Variants in PPP4R2 observed in about 807,000 individuals in gnomAD.
The protein encoded by PPP4R2 is serine/threonine-protein phosphatase 4 regulatory subunit 2.
In PPP4R2, 13 loss-of-function variants were observed where a neutral mutation model predicts 47.2. The observed-to-expected ratio is 0.28, with a 90% CI of 0.18 to 0.44. The LOEUF is 0.44. Among genes scored for constraint, PPP4R2 ranks in the 20% least tolerant of loss-of-function variants. The probability of loss-of-function intolerance (pLI) is 1.00; values close to 1 mark genes in which losing one functional copy is unlikely to be tolerated. For missense variants in PPP4R2, 421 were observed against 491.2 expected, an observed-to-expected ratio of 0.86 and a Z score of 1.35; for synonymous variants, 151 against 163.3, an observed-to-expected ratio of 0.92 and a Z score of 0.57.
At chr3:72,997,352 C>T (rs914144641) in intron 1 of PPP4R2, 1 of 361,678 alleles carries the variant, frequency 2.8e-6, no homozygotes, top group East Asian at 4.1e-5. Context: ...GTTCAGGGGA[C>T]GAGTGGCGGA....
intron 2 of PPP4R2, among the ~76,000 whole-genome samples, chr3:73,018,446 A>ATGT (rs1181953945): frequency 1.9e-5 from 2 of 105,118 alleles, no homozygotes; most frequent in Admixed American, 8.7e-5. Context: ...ATGTTATGTT[A>ATGT]TGTTATTTAT....
rs369511596 is a variant in PPP4R2, at chr3:73,062,600, C to T, written c.420-1073C>T. ...CTAGCAGATTCAAAGATATGCCTAA[C>T]TTTATTGCCCTTGAGAAGTCATCAG... On this transcript the variant is annotated intron_variant, in intron 5 of 8. Transcript: ENST00000356692. The T allele has an allele frequency of 1.0e-4, 169 of 1,613,988 alleles. 1 individual carries two copies. Among genetic ancestry groups the T allele is most frequent in the African/African-American group, 8.3e-4 (62 of 75,044 alleles).
intron 2 of PPP4R2, among the ~76,000 whole-genome samples, chr3:73,008,722 A>T (rs1701664287): frequency 6.6e-6 from 1 of 152,224 alleles, no homozygotes; most frequent in African/African-American, 2.4e-5. Flanking sequence ...ATATAGCTAT[A>T]GATAAGAAAA....
intron 2 of PPP4R2, chr3:73,015,076 A>G (rs1403946762): frequency 8.6e-6 from 4 of 467,614 alleles, no homozygotes; most frequent in Admixed American, 3.6e-5. Context: ...CATTTAGGAT[A>G]TAGGAAGAAA....
intron 3 of PPP4R2, among the ~76,000 whole-genome samples, chr3:73,056,566 A>G (rs1163542054): frequency 6.6e-6 from 1 of 152,114 alleles, no homozygotes; most frequent in African/African-American, 2.4e-5. Context: ...TTTTAGTGCC[A>G]TCTATTGGAT....
chr3:72,998,715 G>A (rs779518832), intron 2 of PPP4R2, among the ~76,000 whole-genome samples: 7 of 152,112 alleles, frequency 4.6e-5, no homozygotes, highest in Non-Finnish European at 1.0e-4. Flanking sequence ...CATATGCTCA[G>A]CATTTTATTC....
chr3:73,064,134 A>C lies in PPP4R2; in HGVS notation c.626A>C (p.Glu209Ala). 4 of 1,605,738 alleles carry C rather than the reference A, an allele frequency of 2.5e-6. No homozygotes were observed. The highest frequency in any genetic ancestry group is 3.4e-6 in the Non-Finnish European group (4 of 1,178,036). The change falls in exon 7 of 9, where the codon GAG becomes GCG. Residue 209 changes from glutamate to alanine, a missense_variant. Physicochemically the swap from Glu to Ala is moderately radical, Grantham distance 107. Coordinates refer to ENST00000356692, the MANE Select transcript of PPP4R2 (RefSeq NM_174907.4). Reference sequence around the variant, plus strand: ...GAGGCAAATTTGCAGCAAAATGAGGAGAAAAATCACAGGTTTGTATGTTTT... The same window carrying C: ...GAGGCAAATTTGCAGCAAAATGAGGCGAAAAATCACAGGTTTGTATGTTTT... ...SKEANLQQNEEKNHSDSSTSE... is the reference protein window; with the variant it reads ...SKEANLQQNEAKNHSDSSTSE...
chr3:73,024,523 G>C (rs550206730), intron 2 of PPP4R2, among the ~76,000 whole-genome samples: 62 of 152,086 alleles, frequency 4.1e-4, no homozygotes, highest in Non-Finnish European at 6.8e-4. Context: ...GGTTCATTTG[G>C]GAATGTCCAC....
At chr3:73,028,326 C>T (rs1256290949) in intron 2 of PPP4R2, among the ~76,000 whole-genome samples, 1 of 151,206 alleles carries the variant, frequency 6.6e-6, no homozygotes, top group Non-Finnish European at 1.5e-5. Context: ...GTGTGAGCCA[C>T]CATGCCTGGC....
intron 2 of PPP4R2, chr3:73,015,008 T>C: frequency 1.5e-6 from 1 of 656,278 alleles, no homozygotes. Flanking sequence ...CCAGTCGTAA[T>C]TTTTTTTCCT....
rs778594880 is a variant in PPP4R2, at chr3:72,998,171, C to T, written c.116+13C>T. ...CTGGAGAAACAATGTGAGTTGAAAA[C>T]ATGCATTTGTCGTTATAGACCAGTG... On this transcript the variant is annotated intron_variant, in intron 2 of 8. Coordinates refer to ENST00000356692, the MANE Select transcript of PPP4R2 (RefSeq NM_174907.4). The T allele has an allele frequency of 2.5e-6, 4 of 1,573,118 alleles. No individual in the cohort carries two copies. In the South Asian group the frequency reaches 4.6e-5, roughly 18 times the overall value.
chr3:73,023,441 C>CTGT, intron 2 of PPP4R2, among the ~76,000 whole-genome samples: 1 of 152,272 alleles, frequency 6.6e-6, no homozygotes, highest in South Asian at 2.1e-4. Context: ...CCGCCTTGGC[C>CTGT]TCACAAAGTG....
chr3:73,018,792 CT>C (rs1303831268), intron 2 of PPP4R2, among the ~76,000 whole-genome samples: 5 of 152,158 alleles, frequency 3.3e-5, no homozygotes, highest in Non-Finnish European at 5.9e-5. Flanking sequence ...TCTTTTAAGA[CT>C]GTTCAGATGG....
chr3:73,023,772 C>G (rs770224967), intron 2 of PPP4R2, among the ~76,000 whole-genome samples: 4 of 152,126 alleles, frequency 2.6e-5, no homozygotes, highest in South Asian at 4.1e-4. Context: ...TAGTAAGTTG[C>G]TTTTTAAAAA....
At chr3:73,037,556 A>G (rs1462010838) in intron 2 of PPP4R2, among the ~76,000 whole-genome samples, 1 of 152,172 alleles carries the variant, frequency 6.6e-6, no homozygotes, top group Non-Finnish European at 1.5e-5. Context: ...GAGGTCAGGG[A>G]TGCAAATATC....
At chr3:73,044,828 T>C (rs886097857) in intron 2 of PPP4R2, among the ~76,000 whole-genome samples, 7 of 152,228 alleles carry the variant, frequency 4.6e-5, no homozygotes, top group Admixed American at 4.6e-4. Flanking sequence ...TTGTAGGTGT[T>C]CTTTATATAA....
chr3:73,037,495 A>G (rs1702288756), intron 2 of PPP4R2, among the ~76,000 whole-genome samples: 1 of 152,136 alleles, frequency 6.6e-6, no homozygotes, highest in Admixed American at 6.5e-5. Flanking sequence ...TTCATTTGGC[A>G]ATGACTAGAG....
chr3:73,019,370 T>TTTTATTTA (rs897363024), intron 2 of PPP4R2, among the ~76,000 whole-genome samples: 1 of 152,076 alleles, frequency 6.6e-6, no homozygotes, highest in Non-Finnish European at 1.5e-5. Flanking sequence ...GGAACTATTA[T>TTTTATTTA]TTTATTTATT....
intron 3 of PPP4R2, among the ~76,000 whole-genome samples, chr3:73,058,795 T>TCC (rs549034573): frequency 7.8e-5 from 6 of 76,486 alleles, no homozygotes; most frequent in East Asian, 4.4e-4. Flanking sequence ...CCCCCCTCCC[T>TCC]CCCCCCCCAC....
Sources: gnomAD v4.1 joint callset for allele counts (sites outside exome capture counted in the v4.1 genomes callset) on GRCh38, gnomAD v4.1.1 for gene constraint, MANE v1.5 for transcripts, NCBI Gene and HGNC (gene_info 2026-07-23, HGNC 2026-07-21) for gene names.